Variants in BRSK2 observed in about 807,000 individuals in gnomAD.
BRSK2 encodes the protein BR serine/threonine kinase 2.
BRSK2 carries 19 observed loss-of-function variants against 83.3 expected under a neutral mutation model. That is an observed-to-expected ratio of 0.23 (90% CI 0.16 to 0.33). The LOEUF (loss-of-function observed/expected upper bound fraction) is 0.33. BRSK2 is among the 10% of genes least tolerant of loss of function. BRSK2 has a pLI of 1.00. For synonymous variants in BRSK2, 519 were observed against 435.4 expected (o/e 1.19, Z -2.39); for missense variants, 798 against 1,042.3 (o/e 0.77, Z 3.23).
Position 1,456,616 on chromosome 11 carries a change from A to G in BRSK2, c.1868A>G (p.Lys623Arg), listed in dbSNP as rs1420739550. The G allele has an allele frequency of 1.2e-6, 2 of 1,611,168 alleles. No individual in the cohort carries two copies. The highest frequency in any genetic ancestry group is 1.7e-6 in the Non-Finnish European group (2 of 1,179,424). ...TLLSGPSRRF[K>R]RVVETIQAQL... ...CCCCTAGGCCCCAGCCGTCGCTTCA[A>G]GAGGGTGGTGGAGACCATCCAGGCC... The change falls in exon 18 of 20, where the codon AAG becomes AGG. Residue 623 changes from lysine to arginine, a missense_variant. This residue lies in a region of BRSK2 where 455 missense variants were observed against 455.2 expected (regional missense o/e 1.00). Coordinates refer to ENST00000528841, the MANE Select transcript of BRSK2 (RefSeq NM_001256627.2).
chr11:1,411,588 C>G, intron 1 of BRSK2: 1 of 1,582,452 alleles, frequency 6.3e-7, no homozygotes, highest in South Asian at 1.1e-5. Context: ...GCACCTCCAC[C>G]TTCCTCAAGG....
At chr11:1,416,813 C>T (rs185419731) in intron 1 of BRSK2, among the ~76,000 whole-genome samples, 179 of 152,206 alleles carry the variant, frequency 1.2e-3, no homozygotes, top group African/African-American at 1.6e-3. Flanking sequence ...CGTGGATCCA[C>T]GGGCTGATGT....
chr11:1,411,553 C>T (rs1554889538), intron 1 of BRSK2: 2 of 1,571,952 alleles, frequency 1.3e-6, no homozygotes, highest in Non-Finnish European at 1.7e-6. Flanking sequence ...GCTGGCCACA[C>T]TCCCGGCCCA....
At chr11:1,429,277 G>A (rs1168579961) in intron 1 of BRSK2, among the ~76,000 whole-genome samples, 2 of 109,204 alleles carry the variant, frequency 1.8e-5, no homozygotes. Context: ...GTGCACTCGT[G>A]TGGGTGTGTG....
intron 1 of BRSK2, chr11:1,411,441 C>A: frequency 6.8e-7 from 1 of 1,468,344 alleles, no homozygotes; most frequent in Non-Finnish European, 8.9e-7. Context: ...ATGGGCACGT[C>A]CCCGCCGGCC....
At chr11:1,400,493 C>T (rs889160996) in intron 1 of BRSK2, among the ~76,000 whole-genome samples, 9 of 152,236 alleles carry the variant, frequency 5.9e-5, no homozygotes, top group African/African-American at 2.2e-4. Context: ...TAATCCCTGA[C>T]CCTGTATAGC....
At chr11:1,449,728 T>C (rs772404923) in intron 12 of BRSK2, 48 bp from the exon 13 acceptor site, 2 of 1,531,906 alleles carry the variant, frequency 1.3e-6, no homozygotes, top group South Asian at 1.2e-5. Flanking sequence ...CACCTGCTGC[T>C]CCACTGCCCC....
Position 1,445,707 on chromosome 11 carries a change from G to A in BRSK2, c.1075+39G>A, listed in dbSNP as rs1777679452. The A allele has an allele frequency of 2.5e-6, 4 of 1,611,188 alleles. No individual in the cohort carries two copies. The African/African-American group carries it at 5.3e-5, about 21-fold the overall frequency. On this transcript the variant is annotated intron_variant, in intron 11 of 19. Coordinates refer to ENST00000528841, the MANE Select transcript of BRSK2 (RefSeq NM_001256627.2). ...GGTGGCCTCCAGCCCGGCCTGCACT[G>A]CCCCACCGGGGTCCGGGGGCTGTCT...
chr11:1,457,968 C>T (rs776845959), intron 18 of BRSK2, among the ~76,000 whole-genome samples: 7 of 152,172 alleles, frequency 4.6e-5, no homozygotes, highest in Non-Finnish European at 1.0e-4. Context: ...TGCTCGGCCC[C>T]GCAGGTACAC....
chr11:1,422,241 G>A (rs1368174746), intron 1 of BRSK2, among the ~76,000 whole-genome samples: 2 of 152,088 alleles, frequency 1.3e-5, no homozygotes, highest in Non-Finnish European at 2.9e-5. Context: ...CCTCATCGCA[G>A]CTCACAGCCC....
chr11:1,429,385 G>C (rs1361511629), intron 1 of BRSK2, among the ~76,000 whole-genome samples: 1 of 150,098 alleles, frequency 6.7e-6, no homozygotes, highest in African/African-American at 2.5e-5. Flanking sequence ...ATGGGTGTGT[G>C]TGCACTGAGT....
rs1043943927 is a variant in BRSK2 at position 1,410,936 on chromosome 11, G to A, written c.91+20561G>A. 2.5e-5 allele frequency: 25 copies of A among 990,124 alleles called. 1 individual carries two copies. The South Asian group carries it at 8.9e-4, about 35-fold the overall frequency. 61.3% of individuals were successfully genotyped at this position (990,124 alleles called of 1,614,324 possible). A position where few individuals can be genotyped will look rare whatever the true frequency, so the allele number is the denominator to read the frequency against. On this transcript the variant is annotated intron_variant, in intron 1 of 19. Transcript: ENST00000528841. ...GTGTTCCCCAGTCTCAGAGGCCAGG[G>A]CCCTTGCTGGCTGGGGTGGGGGCTC... is the stretch of plus-strand genomic sequence containing the variant.
intron 1 of BRSK2, among the ~76,000 whole-genome samples, chr11:1,399,975 G>A (rs1029514793): frequency 2.6e-5 from 4 of 152,122 alleles, no homozygotes; most frequent in Admixed American, 6.5e-5. Flanking sequence ...CCCCACCTCC[G>A]TTACGCAGGA....
Position 1,450,635 on chromosome 11 carries a change from G to A in BRSK2, c.1336G>A (p.Gly446Arg), listed in dbSNP as rs1478648131. The change falls in exon 14 of 20, where the codon GGG becomes AGG. Residue 446 changes from glycine (G) to arginine (R), a missense_variant. This residue lies in a region of BRSK2 where 455 missense variants were observed against 455.2 expected (regional missense o/e 1.00). Coordinates refer to ENST00000528841, the MANE Select transcript of BRSK2 (RefSeq NM_001256627.2). ...GGGCAGTCCCCTCCCCACCCCCAAGGGGACACCTGTCCACACGCCAAAGGA... is the reference window on the plus strand; with the variant it reads ...GGGCAGTCCCCTCCCCACCCCCAAGAGGACACCTGTCCACACGCCAAAGGA... ...PRGSPLPTPK[G>R]TPVHTPKESP... The A allele has an allele frequency of 6.2e-7, 1 of 1,604,960 alleles. No individual in the cohort carries two copies. Among genetic ancestry groups the A allele is most frequent in the Non-Finnish European group, 8.5e-7 (1 of 1,177,176 alleles).
chr11:1,461,430 C>G lies in BRSK2; in HGVS notation c.*707C>G, dbSNP rs1847489629. On this transcript the variant is annotated 3_prime_UTR_variant, in exon 20 of 20. Coordinates refer to ENST00000528841, the MANE Select transcript of BRSK2 (RefSeq NM_001256627.2). The stretch of plus-strand genomic sequence containing the variant: ...CTCACCCGCGCCTCCCTTGCCTCAT[C>G]TGGGGCGGCTGTGGGCTCTGGCGCT... The G allele has an allele frequency of 1.3e-5, 3 of 233,464 alleles. No homozygotes were observed. 14.5% of individuals were successfully genotyped at this position (233,464 alleles called of 1,614,324 possible).
At chr11:1,452,297 G>A (rs972007130) in intron 15 of BRSK2, among the ~76,000 whole-genome samples, 12 of 152,186 alleles carry the variant, frequency 7.9e-5, no homozygotes, top group African/African-American at 2.2e-4. Flanking sequence ...GCCTTTCTGC[G>A]CCGATCAGGT....
At chr11:1,399,653 C>T (rs978601155) in intron 1 of BRSK2, among the ~76,000 whole-genome samples, 4 of 152,292 alleles carry the variant, frequency 2.6e-5, no homozygotes, top group Non-Finnish European at 2.9e-5. Flanking sequence ...TTGTCCTGCC[C>T]GTCCCTCTGC....
At chr11:1,395,534 C>T (rs372849637) in intron 1 of BRSK2, among the ~76,000 whole-genome samples, 94 of 152,250 alleles carry the variant, frequency 6.2e-4, no homozygotes, top group Non-Finnish European at 9.6e-4. Context: ...GTGGTGAGGA[C>T]GGCAGTTCCC....
intron 1 of BRSK2, among the ~76,000 whole-genome samples, chr11:1,407,748 G>A (rs1421300721): frequency 6.6e-6 from 1 of 152,246 alleles, no homozygotes; most frequent in Admixed American, 6.5e-5. Context: ...GTTAATAGAA[G>A]TCTAACGTGA....
Sources: allele counts gnomAD v4.1 joint callset (sites outside exome capture counted in the v4.1 genomes callset), GRCh38; gene constraint gnomAD v4.1.1; regional missense constraint gnomAD v4.1.1; transcripts MANE v1.5; gene names NCBI Gene and HGNC (gene_info 2026-07-23, HGNC 2026-07-21).